The following DPF1 variants were observed in gnomAD, a reference collection of about 807,000 sequenced individuals.
The protein encoded by DPF1 is zinc finger protein neuro-d4.
A neutral mutation model predicts 58.7 loss-of-function variants in DPF1; 14 were observed. The observed-to-expected ratio is 0.24, with a 90% CI of 0.16 to 0.37. The LOEUF is 0.37. DPF1 is among the 10% of genes least tolerant of loss of function. The pLI is 1.00. For missense variants in DPF1, 345 were observed against 529.9 expected (o/e 0.65, Z 3.43); for synonymous variants, 216 against 216.0 (o/e 1.00, Z 0.00).
At chr19:38,224,804 T>C (rs1414603887), upstream of DPF1, among the ~76,000 whole-genome samples, 1 of 152,122 alleles carries the variant, frequency 6.6e-6, no homozygotes, top group African/African-American at 2.4e-5. The surrounding 1 kb of genome is among the most constrained non-coding windows in gnomAD (Gnocchi z 4.5). Context: ...ACCTCCAGGG[T>C]TCAAATCCTA....
chr19:38,220,167 G>GAA (rs1265689320), intron 3 of DPF1, among the ~76,000 whole-genome samples: 4 of 118,274 alleles, frequency 3.4e-5, no homozygotes, highest in African/African-American at 1.3e-4. Flanking sequence ...CAAACTGGGT[G>GAA]AAAAAAAAAA....
chr19:38,222,226 A>G lies in DPF1; in HGVS notation c.298+131T>C, dbSNP rs1397282254. ...GTGGAATCTCTGGGAAACACCCGGG[A>G]CGCACATGGGCAGACAGACACACAG... On this transcript the variant is annotated intron_variant, in intron 3 of 11. Transcript: ENST00000355526. The surrounding 1 kb of genome is among the most constrained non-coding windows in gnomAD (Gnocchi z 4.9). The G allele has an allele frequency of 2.6e-6, 2 of 765,454 alleles. No individual in the cohort carries two copies. Among genetic ancestry groups the G allele is most frequent in the African/African-American group, 3.7e-5 (2 of 53,882 alleles). 47.4% of individuals were successfully genotyped at this position (765,454 alleles called of 1,614,324 possible).
At chr19:38,217,939 C>T (rs1967160899) in intron 5 of DPF1, 63 bp from the exon 6 acceptor site, 1 of 1,564,254 alleles carries the variant, frequency 6.4e-7, no homozygotes, top group African/African-American at 1.4e-5. Flanking sequence ...CGTGGTGGCT[C>T]ACACCTGTAA....
upstream of DPF1, among the ~76,000 whole-genome samples, chr19:38,228,227 G>A (rs1202850242): frequency 6.6e-6 from 1 of 152,132 alleles, no homozygotes; most frequent in African/African-American, 2.4e-5. Context: ...CACACGTGTA[G>A]GCGCTTGCCT....
At chr19:38,224,650 AC>A (rs1471198578), upstream of DPF1, among the ~76,000 whole-genome samples, 1 of 150,194 alleles carries the variant, frequency 6.7e-6, no homozygotes, top group African/African-American at 2.5e-5. The surrounding 1 kb of genome is among the most constrained non-coding windows in gnomAD (Gnocchi z 4.5). Flanking sequence ...ACACCCCCTC[AC>A]CGCCCCCCAC....
chr19:38,219,180 A>T (rs999586776), intron 3 of DPF1, 122 bp from the exon 4 acceptor site: 81 of 1,419,460 alleles, frequency 5.7e-5, no homozygotes, highest in South Asian at 3.0e-4. Context: ...CAAGGATTTA[A>T]CCACATGCCC....
At position 38,222,854 on chromosome 19, in the gene DPF1, C is replaced by A. The variant is rs976529910; in HGVS notation, c.30-146G>T. ...CCTCACCTCTCCCCTCCTCCCACTC[C>A]GGGACCCAGGCTGGGGGAAGGGGAC... On this transcript the variant is annotated intron_variant, in intron 1 of 11. Transcript: ENST00000355526. This position sits in a 1 kb window ranked among gnomAD's most constrained non-coding sequence, Gnocchi z 4.9. The A allele has an allele frequency of 8.3e-7, 1 of 1,206,912 alleles. No homozygotes were observed. The highest frequency in any genetic ancestry group is 1.1e-6 in the Non-Finnish European group (1 of 913,876). 74.8% of individuals were successfully genotyped at this position (1,206,912 alleles called of 1,614,324 possible).
At chr19:38,227,000 T>A (rs1967854204), upstream of DPF1, among the ~76,000 whole-genome samples, 1 of 83,724 alleles carries the variant, frequency 1.2e-5, no homozygotes, top group South Asian at 4.2e-4. Context: ...TTCTCTTCCT[T>A]CCTTCCTTCC....
In DPF1 at chr19:38,224,044, TC is replaced by T; in HGVS notation, c.29+69del. ...GACACCCCTTCGGCCCCACCCCCGG[TC>T]GCCACACACACACAGGCCCGCGTAG... On this transcript the variant is annotated intron_variant, in intron 1 of 11. Transcript: ENST00000355526. The surrounding 1 kb of genome is among the most constrained non-coding windows in gnomAD (Gnocchi z 4.5). 7.0e-7 allele frequency: 1 copy of T among 1,418,668 alleles called. No individual in the cohort carries two copies. Among genetic ancestry groups the T allele is most frequent in the Non-Finnish European group, 9.2e-7 (1 of 1,089,898 alleles). 87.9% of individuals were successfully genotyped at this position (1,418,668 alleles called of 1,614,324 possible). A position where few individuals can be genotyped will look rare whatever the true frequency, so the allele number is the denominator to read the frequency against.
chr19:38,224,014 C>T lies in DPF1; in HGVS notation c.29+100G>A, dbSNP rs1236164271. On this transcript the variant is annotated intron_variant, in intron 1 of 11. Transcript: ENST00000355526. This position sits in a 1 kb window ranked among gnomAD's most constrained non-coding sequence, Gnocchi z 4.5. ...CGCAGCCCCGCACTCGGTGACAGCC[C>T]CCCAGACACCCCTTCGGCCCCACCC... is the stretch of plus-strand genomic sequence containing the variant. 15 of 1,367,246 alleles carry T rather than the reference C, an allele frequency of 1.1e-5. No homozygotes were observed. The highest frequency in any genetic ancestry group is 1.8e-5 in the South Asian group (1 of 56,532). 84.7% of individuals were successfully genotyped at this position (1,367,246 alleles called of 1,614,324 possible).
At position 38,217,883 on chromosome 19, in the gene DPF1, GGAGA is replaced by G. The variant is rs775382744; in HGVS notation, c.517-11_517-8del. 67 of 1,613,922 alleles carry G rather than the reference GGAGA, an allele frequency of 4.2e-5. No homozygotes were observed. The highest frequency in any genetic ancestry group is 5.4e-5 in the Non-Finnish European group (64 of 1,179,996). Reference sequence around the variant, plus strand: ...GACCCCCGATGCCATATGCCTGTGGGGAGAGTCAGGAGTGAGGGGCCAAGAAAGT... The same window carrying G: ...GACCCCCGATGCCATATGCCTGTGGGGTCAGGAGTGAGGGGCCAAGAAAGT... On this transcript the variant is annotated splice_region_variant and splice_polypyrimidine_tract_variant and intron_variant, in intron 5 of 11. Transcript: ENST00000355526.
intron 10 of DPF1, among the ~76,000 whole-genome samples, chr19:38,212,685 C>T (rs953833143): frequency 1.3e-5 from 2 of 151,398 alleles, no homozygotes; most frequent in Admixed American, 1.3e-4. Flanking sequence ...AGTCACAGCT[C>T]ACTGCAGCCT....
chr19:38,211,814 G>A lies in DPF1; in HGVS notation c.*249C>T. 1.8e-6 allele frequency: 1 copy of A among 558,318 alleles called. No individual in the cohort carries two copies. The highest frequency in any genetic ancestry group is 3.3e-5 in the Admixed American group (1 of 29,966). 34.6% of individuals were successfully genotyped at this position (558,318 alleles called of 1,614,324 possible). ...GCCCAGAGGCGGGGTATGGCTTTGAGGGGAGAAGCCCCTGGTGTCCATTTG... is the reference window on the plus strand; with the variant it reads ...GCCCAGAGGCGGGGTATGGCTTTGAAGGGAGAAGCCCCTGGTGTCCATTTG... On this transcript the variant is annotated 3_prime_UTR_variant, in exon 12 of 12. Coordinates refer to ENST00000355526, the MANE Select transcript of DPF1 (RefSeq NM_001135155.3). The surrounding 1 kb of genome is among the most constrained non-coding windows in gnomAD (Gnocchi z 4.0).
chr19:38,212,188 C>T, intron 11 of DPF1, 55 bp from the exon 12 acceptor site: 2 of 1,569,512 alleles, frequency 1.3e-6, no homozygotes, highest in Non-Finnish European at 1.7e-6. Context: ...GCTGCCCCAG[C>T]CCCTTCCCAC....
At chr19:38,216,306 C>T (rs201649988) in intron 8 of DPF1, 47 bp from the exon 9 acceptor site, 499 of 1,609,536 alleles carry the variant, frequency 3.1e-4, no homozygotes, top group Non-Finnish European at 4.1e-4. Flanking sequence ...CAAGGGCACC[C>T]CGCAAAGGTG....
At chr19:38,228,987 G>C (rs1967940075), upstream of DPF1, among the ~76,000 whole-genome samples, 1 of 152,084 alleles carries the variant, frequency 6.6e-6, no homozygotes, top group African/African-American at 2.4e-5. Context: ...GACTGACGGC[G>C]GGTTCGGGGC....
upstream of DPF1, among the ~76,000 whole-genome samples, chr19:38,226,116 G>A (rs1967806489): frequency 6.6e-6 from 1 of 151,882 alleles, no homozygotes; most frequent in Non-Finnish European, 1.5e-5. Context: ...TCCCCAAGTA[G>A]TCCTGACCTC....
chr19:38,211,679 A>G lies in DPF1; in HGVS notation c.*384T>C, dbSNP rs1032853867. The stretch of plus-strand genomic sequence containing the variant: ...CCAGGCCTTGGAGGACTCTTTGTAT[A>G]TATTAACTTCTTTTCTTTTCTTCTT... On this transcript the variant is annotated 3_prime_UTR_variant, in exon 12 of 12. Transcript: ENST00000355526. This position sits in a 1 kb window ranked among gnomAD's most constrained non-coding sequence, Gnocchi z 4.0. The G allele has an allele frequency of 5.8e-6, 1 of 172,944 alleles. No homozygotes were observed. Among genetic ancestry groups the G allele is most frequent in the Admixed American group, 6.0e-5 (1 of 16,634 alleles). The allele number at this position is 172,944 out of a possible 1,614,324, so 10.7% of individuals were successfully genotyped here. A position where few individuals can be genotyped will look rare whatever the true frequency, so the allele number is the denominator to read the frequency against.
intron 4 of DPF1, 37 bp from the exon 5 acceptor site, chr19:38,218,699 G>A (rs747904896): frequency 6.2e-7 from 1 of 1,610,290 alleles, no homozygotes; most frequent in Non-Finnish European, 8.5e-7. Context: ...CAAGAAAGTG[G>A]GGGCCACTGA....
Sources: allele counts gnomAD v4.1 joint callset (sites outside exome capture counted in the v4.1 genomes callset), GRCh38; gene constraint gnomAD v4.1.1; non-coding constraint Gnocchi (gnomAD v3.1); transcripts MANE v1.5; gene names NCBI Gene and HGNC (gene_info 2026-07-23, HGNC 2026-07-21).